CDYL2: variants seen among roughly 807,000 people sequenced by gnomAD.
CDYL2 encodes the protein chromodomain Y-like protein 2.
Under a neutral mutation model 49.4 loss-of-function variants are expected in CDYL2, and 23 were observed. The ratio of observed to expected loss-of-function variants is 0.47; its 90% CI spans 0.34 to 0.66. The LOEUF (loss-of-function observed/expected upper bound fraction) is 0.66, where lower values mean the gene tolerates loss of function less well. Ranked by LOEUF, CDYL2 falls within the 30% of genes least tolerant of loss-of-function variation. The pLI is 0.01. For missense variants in CDYL2, 678 were observed against 656.4 expected, an observed-to-expected ratio of 1.03 and a Z score of -0.36; for synonymous variants, 360 against 268.8, an observed-to-expected ratio of 1.34 and a Z score of -3.32.
intron 2 of CDYL2, chr16:80,662,792 T>G (rs1249105937): frequency 2.2e-6 from 1 of 455,182 alleles, no homozygotes; most frequent in Admixed American, 2.4e-5. Flanking sequence ...GGAATCACAC[T>G]GTAGGAAAAT....
chr16:80,639,566 C>T, intron 2 of CDYL2: 1 of 406,692 alleles, frequency 2.5e-6, no homozygotes, highest in Admixed American at 2.9e-5. Flanking sequence ...CAATAGAAGG[C>T]TCCATGGATT....
At chr16:80,720,761 G>A (rs893947652) in intron 1 of CDYL2, among the ~76,000 whole-genome samples, 4 of 152,176 alleles carry the variant, frequency 2.6e-5, no homozygotes, top group Non-Finnish European at 5.9e-5. Flanking sequence ...AGCAGCATTA[G>A]TGAGTGAAGA....
chr16:80,675,121 G>A (rs564038988), intron 2 of CDYL2, among the ~76,000 whole-genome samples: 2 of 152,358 alleles, frequency 1.3e-5, no homozygotes, highest in South Asian at 4.1e-4. Flanking sequence ...CTCAAAGGCA[G>A]GCCCAGGGGT....
At chr16:80,641,741 CTG>C (rs1908097656) in intron 2 of CDYL2, among the ~76,000 whole-genome samples, 1 of 105,260 alleles carries the variant, frequency 9.5e-6, no homozygotes, top group Non-Finnish European at 1.7e-5. Context: ...ACTCTGGGGA[CTG>C]TTGTGGGGTG....
At position 80,601,837 on chromosome 16, in the gene CDYL2, C is replaced by T. The variant is rs921166121; in HGVS notation, c.*2551G>A. The T allele has an allele frequency of 2.0e-5, 3 of 152,186 alleles. No individual in the cohort carries two copies. The highest frequency in any genetic ancestry group is 4.4e-5 in the Non-Finnish European group (3 of 68,038). 9.4% of individuals were successfully genotyped at this position (152,186 alleles called of 1,614,324 possible). On this transcript the variant is annotated 3_prime_UTR_variant, in exon 7 of 7. Coordinates refer to ENST00000570137, the MANE Select transcript of CDYL2 (RefSeq NM_152342.4). ...CTGTGACTTAACAGCAAGATTTCCA[C>T]CTTAGAAATGGTTTCACATTCCTAC...
chr16:80,664,565 G>A (rs905037834), intron 2 of CDYL2, among the ~76,000 whole-genome samples: 1 of 152,196 alleles, frequency 6.6e-6, no homozygotes, highest in African/African-American at 2.4e-5. Flanking sequence ...CACATAGTGA[G>A]GGGAAAGCAA....
At chr16:80,757,061 C>A (rs1906336150) in intron 1 of CDYL2, among the ~76,000 whole-genome samples, 1 of 151,912 alleles carries the variant, frequency 6.6e-6, no homozygotes, top group Non-Finnish European at 1.5e-5. Flanking sequence ...ATATGTAACA[C>A]CAGTAAAAAA....
At chr16:80,651,235 A>G (rs1567556153) in intron 2 of CDYL2, among the ~76,000 whole-genome samples, 1 of 152,158 alleles carries the variant, frequency 6.6e-6, no homozygotes, top group Non-Finnish European at 1.5e-5. Context: ...TTATATACCT[A>G]CTATGTAACC....
intron 1 of CDYL2, among the ~76,000 whole-genome samples, chr16:80,716,803 G>A (rs764795429): frequency 6.6e-6 from 1 of 151,862 alleles, no homozygotes; most frequent in South Asian, 2.1e-4. Flanking sequence ...TAATGGAGGG[G>A]TGACTGAATG....
chr16:80,768,597 A>G (rs1906806210), intron 1 of CDYL2, among the ~76,000 whole-genome samples: 1 of 152,144 alleles, frequency 6.6e-6, no homozygotes. Flanking sequence ...GCCTCTCTAT[A>G]AGGGTACTAA....
At chr16:80,626,054 C>G (rs945960118) in intron 3 of CDYL2, among the ~76,000 whole-genome samples, 3 of 151,888 alleles carry the variant, frequency 2.0e-5, no homozygotes, top group South Asian at 2.1e-4. Context: ...CTTTGGAAGG[C>G]TGAGGCAGGC....
chr16:80,699,519 C>G (rs995233807), intron 1 of CDYL2, among the ~76,000 whole-genome samples: 1 of 100,566 alleles, frequency 9.9e-6, no homozygotes, highest in African/African-American at 2.9e-5. Flanking sequence ...TGAAGAATAG[C>G]ACGAACAGAG....
chr16:80,665,505 T>TAAAAAAAAAAAAAAAAA (rs35248259), intron 2 of CDYL2, among the ~76,000 whole-genome samples: 1 of 121,640 alleles, frequency 8.2e-6, no homozygotes, highest in African/African-American at 3.3e-5. Context: ...TTTTTGCCAT[T>TAAAAAAAAAAAAAAAAA]AAAAAAAAAA....
intron 1 of CDYL2, among the ~76,000 whole-genome samples, chr16:80,696,720 A>G (rs909066411): frequency 1.4e-5 from 2 of 139,306 alleles, no homozygotes; most frequent in African/African-American, 5.1e-5. Flanking sequence ...GAAGAGTAAT[A>G]AAAAAAAAAA....
At chr16:80,715,704 A>G (rs1470403883) in intron 1 of CDYL2, among the ~76,000 whole-genome samples, 1 of 151,764 alleles carries the variant, frequency 6.6e-6, no homozygotes, top group East Asian at 1.9e-4. Flanking sequence ...AACATGTAAA[A>G]CCCTTAAAAT....
At chr16:80,709,984 G>A (rs550375693) in intron 1 of CDYL2, among the ~76,000 whole-genome samples, 26 of 151,262 alleles carry the variant, frequency 1.7e-4, no homozygotes, top group Non-Finnish European at 3.5e-4. Flanking sequence ...CTGGAGTGCG[G>A]TGGTGCTATC....
At chr16:80,644,691 C>T (rs763349927) in intron 2 of CDYL2, among the ~76,000 whole-genome samples, 11 of 152,160 alleles carry the variant, frequency 7.2e-5, no homozygotes, top group Non-Finnish European at 1.2e-4. Context: ...ACCATGAGAA[C>T]AGTATGGGGG....
At chr16:80,742,431 G>C (rs1905770736) in intron 1 of CDYL2, 1 of 151,718 alleles carries the variant, frequency 6.6e-6, no homozygotes, top group African/African-American at 2.4e-5. Context: ...TGAGTGGGTA[G>C]AAGGGTGGAG....
chr16:80,615,303 C>T (rs1302219526), intron 4 of CDYL2, among the ~76,000 whole-genome samples: 3 of 152,004 alleles, frequency 2.0e-5, no homozygotes, highest in Non-Finnish European at 1.5e-5. Flanking sequence ...TTGGGGTCTG[C>T]GGGGGATATG....
Sources: gnomAD v4.1 joint callset for allele counts (sites outside exome capture counted in the v4.1 genomes callset) on GRCh38, gnomAD v4.1.1 for gene constraint, MANE v1.5 for transcripts, NCBI Gene and HGNC (gene_info 2026-07-23, HGNC 2026-07-21) for gene names.